Variants in GABPA observed in about 807,000 individuals in gnomAD.
GABPA encodes the protein GA binding protein transcription factor subunit alpha.
Under a neutral mutation model 59.4 loss-of-function variants are expected in GABPA, and 4 were observed. The observed-to-expected ratio is 0.07, with a 90% CI of 0.03 to 0.15. The LOEUF (loss-of-function observed/expected upper bound fraction) is 0.15. Ranked by LOEUF, GABPA falls within the 10% of genes least tolerant of loss-of-function variation. The pLI is 1.00. For synonymous variants in GABPA, 164 were observed against 183.1 expected, an observed-to-expected ratio of 0.90 and a Z score of 0.84; for missense variants, 251 against 543.8, an observed-to-expected ratio of 0.46 and a Z score of 5.36.
chr21:25,764,154 T>G (rs2035833020), intron 7 of GABPA, 56 bp from the exon 8 acceptor site: 2 of 1,470,150 alleles, frequency 1.4e-6, no homozygotes, highest in East Asian at 2.4e-5. Context: ...CAGTAATTTT[T>G]TTTTTTTCCT....
intron 1 of GABPA, among the ~76,000 whole-genome samples, chr21:25,737,151 A>G (rs2035092801): frequency 6.6e-6 from 1 of 152,206 alleles, no homozygotes; most frequent in Admixed American, 6.5e-5. Flanking sequence ...AACATTCCGA[A>G]CCCCAGGTTG....
Position 25,770,855 on chromosome 21 carries a change from T to C in GABPA, c.*1623T>C, listed in dbSNP as rs988732990. ...CTTAATGCATAATTTTACTAAAACA[T>C]GTTCTCAATTCATTCATATTATTAA... On this transcript the variant is annotated 3_prime_UTR_variant, in exon 10 of 10. Coordinates refer to ENST00000400075, the MANE Select transcript of GABPA (RefSeq NM_002040.4). The C allele has an allele frequency of 9.2e-5, 14 of 152,162 alleles. No individual in the cohort carries two copies. The East Asian group carries it at 2.5e-3, about 27-fold the overall frequency. The allele number at this position is 152,162 out of a possible 1,614,324, so 9.4% of individuals were successfully genotyped here. A position where few individuals can be genotyped will look rare whatever the true frequency, so the allele number is the denominator to read the frequency against.
intron 9 of GABPA, 48 bp downstream of exon 9, chr21:25,764,835 T>G: frequency 1.5e-6 from 2 of 1,349,962 alleles, no homozygotes; most frequent in South Asian, 3.1e-5. Flanking sequence ...AGAAACTTTC[T>G]AAAAAATAGT....
chr21:25,738,101 T>G (rs2035127033), intron 1 of GABPA, among the ~76,000 whole-genome samples: 1 of 152,216 alleles, frequency 6.6e-6, no homozygotes, highest in African/African-American at 2.4e-5. Flanking sequence ...ATGAGTATGC[T>G]TGATATACTT....
chr21:25,742,387 A>G (rs71649671), intron 2 of GABPA, among the ~76,000 whole-genome samples: 1 of 152,152 alleles, frequency 6.6e-6, no homozygotes. Context: ...ATCTCTGTGG[A>G]GTAACAAAGG....
intron 5 of GABPA, among the ~76,000 whole-genome samples, chr21:25,755,203 C>T (rs755047496): frequency 2.0e-5 from 3 of 151,250 alleles, no homozygotes; most frequent in Non-Finnish European, 4.4e-5. Context: ...AATCCCAGCA[C>T]GTTGGGAGGC....
At chr21:25,738,521 T>C (rs556480512) in intron 1 of GABPA, among the ~76,000 whole-genome samples, 17 of 152,222 alleles carry the variant, frequency 1.1e-4, no homozygotes, top group Non-Finnish European at 2.4e-4. Context: ...TTTTTCTCCT[T>C]ACGGTTATGT....
chr21:25,763,190 T>C, intron 7 of GABPA: 1 of 519,502 alleles, frequency 1.9e-6, no homozygotes, highest in South Asian at 1.6e-5. Context: ...ACCACCACAG[T>C]TGCTGTCTCT....
chr21:25,752,513 C>T (rs13339990), intron 5 of GABPA, among the ~76,000 whole-genome samples: 25,206 of 152,128 alleles, frequency 0.17, 2,532 homozygotes, highest in East Asian at 0.31. Context: ...AGATGATTGC[C>T]ATAAAAGGTA....
intron 7 of GABPA, among the ~76,000 whole-genome samples, chr21:25,763,690 T>C (rs1327382881): frequency 2.6e-5 from 4 of 152,190 alleles, no homozygotes; most frequent in Admixed American, 6.6e-5. Flanking sequence ...ATGTTGATAC[T>C]TGCAGCTGTT....
Position 25,735,013 on chromosome 21 carries a change from G to C in GABPA, c.-592G>C. 2 of 1,530,018 alleles carry C rather than the reference G, an allele frequency of 1.3e-6. No individual in the cohort carries two copies. Among genetic ancestry groups the C allele is most frequent in the East Asian group, 2.4e-5 (1 of 41,004 alleles). 94.8% of individuals were successfully genotyped at this position (1,530,018 alleles called of 1,614,324 possible). On this transcript the variant is annotated 5_prime_UTR_variant, in exon 1 of 10. Transcript: ENST00000400075. The stretch of plus-strand genomic sequence containing the variant: ...CCGGACAGGAAGCGTCTCGGAGACA[G>C]TCTGCGACCGGACGGGTCTAGGTGA...
chr21:25,750,493 C>T (rs1183227484), intron 4 of GABPA, among the ~76,000 whole-genome samples: 1 of 152,178 alleles, frequency 6.6e-6, no homozygotes, highest in Non-Finnish European at 1.5e-5. Flanking sequence ...TTGTAATAGA[C>T]ATAGAGTCAT....
chr21:25,750,421 C>CA (rs2035480725), intron 4 of GABPA, among the ~76,000 whole-genome samples: 2 of 152,196 alleles, frequency 1.3e-5, no homozygotes, highest in African/African-American at 4.8e-5. Context: ...AAGCATTGGT[C>CA]ACGCCTGGAA....
At chr21:25,766,778 A>G (rs957854212) in intron 9 of GABPA, among the ~76,000 whole-genome samples, 4 of 151,934 alleles carry the variant, frequency 2.6e-5, no homozygotes, top group African/African-American at 9.7e-5. Flanking sequence ...TCCCCTAAGC[A>G]ACTGTTTCAT....
intron 6 of GABPA, 121 bp downstream of exon 6, chr21:25,758,325 T>TTA: frequency 2.9e-6 from 2 of 694,428 alleles, no homozygotes; most frequent in Non-Finnish European, 4.7e-6. Context: ...ATAATTAACA[T>TTA]TTATTTACTG....
In GABPA at chr21:25,771,913, T is replaced by A. The variant is rs2036016783; in HGVS notation, c.*2681T>A. ...TATGTGTGGTTGATCTTCAGATAAATTGACTGATCACAGTTATTTTTGTAT... is the reference window on the plus strand; with the variant it reads ...TATGTGTGGTTGATCTTCAGATAAAATGACTGATCACAGTTATTTTTGTAT... On this transcript the variant is annotated 3_prime_UTR_variant, in exon 10 of 10. Transcript: ENST00000400075. The A allele has an allele frequency of 1.3e-5, 2 of 152,092 alleles. No homozygotes were observed. Among genetic ancestry groups the A allele is most frequent in the South Asian group, 4.1e-4 (2 of 4,834 alleles). 9.4% of individuals were successfully genotyped at this position (152,092 alleles called of 1,614,324 possible).
intron 5 of GABPA, among the ~76,000 whole-genome samples, chr21:25,756,740 G>A (rs2035646733): frequency 6.6e-6 from 1 of 152,098 alleles, no homozygotes; most frequent in Non-Finnish European, 1.5e-5. Flanking sequence ...GTATCTTGAG[G>A]TCCATGAAGA....
intron 2 of GABPA, among the ~76,000 whole-genome samples, chr21:25,742,935 A>G (rs2035261656): frequency 6.7e-6 from 1 of 149,332 alleles, no homozygotes; most frequent in Non-Finnish European, 1.5e-5. Flanking sequence ...GCGGTCTCAA[A>G]AAAAAAAAAA....
intron 1 of GABPA, among the ~76,000 whole-genome samples, chr21:25,739,398 G>C (rs1231630008): frequency 6.6e-6 from 1 of 152,162 alleles, no homozygotes; most frequent in Non-Finnish European, 1.5e-5. Context: ...ATATGAAGTA[G>C]GTCTCTGGGC....
Sources: gnomAD v4.1 joint callset for allele counts (sites outside exome capture counted in the v4.1 genomes callset) on GRCh38, gnomAD v4.1.1 for gene constraint, MANE v1.5 for transcripts, NCBI Gene and HGNC (gene_info 2026-07-23, HGNC 2026-07-21) for gene names.